Variants in PCDHA7 observed in about 807,000 individuals in gnomAD.
The protein encoded by PCDHA7 is protocadherin alpha-7.
Under a neutral mutation model 57.2 loss-of-function variants are expected in PCDHA7, and 37 were observed. The observed-to-expected ratio is 0.65, with a 90% CI of 0.50 to 0.85. PCDHA7 has a LOEUF of 0.85. PCDHA7 is among the 40% of genes least tolerant of loss of function. The pLI, the probability that PCDHA7 is intolerant of heterozygous loss-of-function variation, is 0.00. For synonymous variants in PCDHA7, 553 were observed against 558.8 expected, an observed-to-expected ratio of 0.99 and a Z score of 0.15; for missense variants, 1,188 against 1,241.8, an observed-to-expected ratio of 0.96 and a Z score of 0.65.
intron 1 of PCDHA7, chr5:140,871,411 G>A: frequency 6.2e-7 from 1 of 1,614,056 alleles, no homozygotes; most frequent in Non-Finnish European, 8.5e-7. Flanking sequence ...GGACCTCATG[G>A]CCTTCAGCCC....
rs1278190743 is a variant in PCDHA7, at chr5:140,891,784, G to C, written c.2355+55046G>C. 2.0e-5 allele frequency among the ~76,000 whole-genome samples: 3 copies of C among 152,152 alleles called. No homozygotes were observed. In the East Asian group the frequency reaches 5.8e-4, roughly 29 times the overall value. On this transcript the variant is annotated intron_variant, in intron 1 of 3. Coordinates refer to ENST00000525929, the MANE Select transcript of PCDHA7 (RefSeq NM_018910.3). ...GGTGGGGAATTTCAGGAAATGTTTA[G>C]ATTATGAGGGATCTGCCCTCATGAA...
intron 1 of PCDHA7, chr5:140,842,463 C>T (rs1554139058): frequency 1.9e-6 from 3 of 1,613,672 alleles, no homozygotes; most frequent in Admixed American, 3.3e-5. Flanking sequence ...GATTCAGGTG[C>T]CAACGGGCAG....
chr5:140,967,425 C>G, intron 1 of PCDHA7: 2 of 1,613,296 alleles, frequency 1.2e-6, no homozygotes, highest in Non-Finnish European at 1.7e-6. Context: ...CGGGAGCAGG[C>G]AGCCTTGCAC....
At chr5:140,933,513 G>A (rs2089204044) in intron 1 of PCDHA7, among the ~76,000 whole-genome samples, 1 of 152,012 alleles carries the variant, frequency 6.6e-6, no homozygotes, top group African/African-American at 2.4e-5. Context: ...AAAGACTACA[G>A]CTGTTTTGTT....
At chr5:140,852,024 C>A in intron 1 of PCDHA7, 1 of 949,532 alleles carries the variant, frequency 1.1e-6, no homozygotes, top group Non-Finnish European at 1.3e-6. Context: ...TTAAAAACTT[C>A]GCTTATTGAG....
chr5:140,989,893 A>T (rs1436233809), intron 3 of PCDHA7, among the ~76,000 whole-genome samples: 1 of 151,928 alleles, frequency 6.6e-6, no homozygotes, highest in Non-Finnish European at 1.5e-5. Context: ...AGTCTCCGTT[A>T]TTCACAATCA....
intron 1 of PCDHA7, chr5:140,852,273 G>A: frequency 4.0e-6 from 2 of 502,850 alleles, no homozygotes; most frequent in Non-Finnish European, 5.3e-6. Context: ...AATATTACAT[G>A]TTTTTTGTCT....
chr5:140,875,356 G>A (rs2055432006), intron 1 of PCDHA7: 4 of 1,446,352 alleles, frequency 2.8e-6, no homozygotes, highest in East Asian at 2.5e-5. Context: ...TGACTGTGAT[G>A]CTGGAAAAAA....
chr5:140,887,941 A>C (rs529131971), intron 1 of PCDHA7, among the ~76,000 whole-genome samples: 25 of 152,194 alleles, frequency 1.6e-4, no homozygotes, highest in Admixed American at 7.8e-4. Flanking sequence ...TTTATTTCTT[A>C]TCTGTATAAG....
In PCDHA7 at chr5:140,856,537, G is replaced by T. The variant is rs782543512; in HGVS notation, c.2355+19799G>T. 18 of 1,598,256 alleles carry T rather than the reference G, an allele frequency of 1.1e-5. 3 individuals carry two copies. The highest frequency in any genetic ancestry group is 1.5e-5 in the Non-Finnish European group (18 of 1,167,836). ...GCGCATCTGATGCGGATGTTGGAGA[G>T]AACGCATTGCTTACTTACAAACTCA... On this transcript the variant is annotated intron_variant, in intron 1 of 3. Coordinates refer to ENST00000525929, the MANE Select transcript of PCDHA7 (RefSeq NM_018910.3).
chr5:140,914,944 CTTT>C (rs35695909), intron 1 of PCDHA7, among the ~76,000 whole-genome samples: 73 of 128,234 alleles, frequency 5.7e-4, no homozygotes, highest in African/African-American at 1.8e-3. Flanking sequence ...GAAAAGTTGT[CTTT>C]TTTTTTTTTT....
At chr5:140,937,981 T>TA (rs1554211927) in intron 1 of PCDHA7, among the ~76,000 whole-genome samples, 2 of 152,254 alleles carry the variant, frequency 1.3e-5, no homozygotes, top group Non-Finnish European at 2.9e-5. Flanking sequence ...ATACTGATTT[T>TA]ATGTTAACTT....
chr5:140,910,257 A>G (rs1428252762), intron 1 of PCDHA7, among the ~76,000 whole-genome samples: 1 of 152,202 alleles, frequency 6.6e-6, no homozygotes, highest in East Asian at 1.9e-4. Flanking sequence ...TAGGCTTCCT[A>G]TCATTTTCAC....
chr5:140,889,417 A>G (rs2062219100), intron 1 of PCDHA7, among the ~76,000 whole-genome samples: 1 of 152,040 alleles, frequency 6.6e-6, no homozygotes. Context: ...TCAGTTACGT[A>G]GATAATATTT....
chr5:140,994,141 C>T (rs782520855), intron 3 of PCDHA7, among the ~76,000 whole-genome samples: 1 of 152,256 alleles, frequency 6.6e-6, no homozygotes, highest in African/African-American at 2.4e-5. Context: ...TAATGCCCTA[C>T]GTAGGTAGGG....
intron 1 of PCDHA7, among the ~76,000 whole-genome samples, chr5:140,893,701 C>A (rs1297465606): frequency 6.6e-6 from 1 of 152,104 alleles, no homozygotes; most frequent in African/African-American, 2.4e-5. Context: ...TCTATCCTAG[C>A]CTGTAAAGCT....
chr5:140,966,826 GC>G, intron 1 of PCDHA7: 1 of 1,560,690 alleles, frequency 6.4e-7, no homozygotes, highest in Non-Finnish European at 8.6e-7. Flanking sequence ...GGCGGCCCAT[GC>G]CCTGGCTGCT....
intron 1 of PCDHA7, chr5:140,864,877 T>C (rs1475391841): frequency 6.6e-6 from 1 of 152,220 alleles, no homozygotes; most frequent in Non-Finnish European, 1.5e-5. Flanking sequence ...CCATTGTCTG[T>C]GTTCATTAAG....
chr5:140,954,116 G>A (rs1190456994), intron 1 of PCDHA7, among the ~76,000 whole-genome samples: 2 of 152,118 alleles, frequency 1.3e-5, no homozygotes, highest in East Asian at 3.9e-4. Context: ...ACAAGATCTT[G>A]TTCCTTTTTA....
Sources: allele counts gnomAD v4.1 joint callset (sites outside exome capture counted in the v4.1 genomes callset), GRCh38; gene constraint gnomAD v4.1.1; transcripts MANE v1.5; gene names NCBI Gene and HGNC (gene_info 2026-07-23, HGNC 2026-07-21).